The following FTCDNL1 variants were observed in gnomAD, a reference collection of about 807,000 sequenced individuals.
The protein encoded by FTCDNL1 is formiminotransferase N-terminal subdomain-containing protein.
A neutral mutation model predicts 5.9 loss-of-function variants in FTCDNL1; 11 were observed. That is an observed-to-expected ratio of 1.87 (90% CI 1.18 to 3.10). The LOEUF (loss-of-function observed/expected upper bound fraction) is 3.10, where lower values mean the gene tolerates loss of function less well. Ranked by LOEUF, FTCDNL1 falls within the 30% of genes most tolerant of loss-of-function variation. The pLI is 0.00. For missense variants in FTCDNL1, 115 were observed against 65.5 expected, an observed-to-expected ratio of 1.76 and a Z score of -2.61; for synonymous variants, 58 against 24.8, an observed-to-expected ratio of 2.34 and a Z score of -3.99.
intron 1 of FTCDNL1, 41 bp downstream of exon 1, chr2:199,850,699 C>T (rs2076853907): frequency 6.6e-6 from 1 of 152,320 alleles, no homozygotes; most frequent in Admixed American, 6.5e-5. Flanking sequence ...TCCCCACCCG[C>T]GGAGAACCTA....
intron 3 of FTCDNL1, among the ~76,000 whole-genome samples, chr2:199,763,396 A>G (rs1698362609): frequency 6.6e-6 from 1 of 152,160 alleles, no homozygotes; most frequent in Admixed American, 6.5e-5. Flanking sequence ...ATAGTATTAC[A>G]AGGGTGGGAG....
the FTCDNL1 span, among the ~76,000 whole-genome samples, chr2:199,717,509 A>ATTTTTTTTTTTTT: frequency 1.8e-3 from 104 of 57,696 alleles, 8 homozygotes; most frequent in African/African-American, 5.0e-3. Context: ...CAAGGCAGAG[A>ATTTTTTTTTTTTT]TTTTTTTTTT....
intron 3 of FTCDNL1, 134 bp downstream of exon 3, chr2:199,845,941 A>T (rs1475136902): frequency 2.3e-6 from 1 of 435,412 alleles, no homozygotes; most frequent in Non-Finnish European, 4.1e-6. Context: ...GATTAAGTGT[A>T]GCTTTGTGGT....
chr2:199,844,227 G>A (rs989907880), intron 3 of FTCDNL1, among the ~76,000 whole-genome samples: 2 of 151,910 alleles, frequency 1.3e-5, no homozygotes, highest in Non-Finnish European at 2.9e-5. Flanking sequence ...GAAGTGGAGG[G>A]GTGTGTCACA....
At chr2:199,781,344 T>G (rs1285199314) in intron 3 of FTCDNL1, among the ~76,000 whole-genome samples, 1 of 152,208 alleles carries the variant, frequency 6.6e-6, no homozygotes, top group Non-Finnish European at 1.5e-5. Context: ...AGGAGGTATA[T>G]GATGTAATAA....
At chr2:199,818,892 G>C (rs1701511437) in intron 4 of FTCDNL1, 1 of 152,176 alleles carries the variant, frequency 6.6e-6, no homozygotes, top group Non-Finnish European at 1.5e-5. Flanking sequence ...TCAAATAAGT[G>C]ACACTAGGAT....
At chr2:199,696,478 G>T in the FTCDNL1 span, among the ~76,000 whole-genome samples, 4 of 152,276 alleles carry the variant, frequency 2.6e-5, no homozygotes, top group East Asian at 7.7e-4. Flanking sequence ...GGCCAGAGAA[G>T]AATGCCATGA....
intron 3 of FTCDNL1, among the ~76,000 whole-genome samples, chr2:199,833,851 T>G (rs1702535722): frequency 6.6e-6 from 1 of 152,160 alleles, no homozygotes; most frequent in Non-Finnish European, 1.5e-5. Flanking sequence ...TATCCCCACC[T>G]TTCAGATAAC....
At chr2:199,733,689 G>A in the FTCDNL1 span, among the ~76,000 whole-genome samples, 601 of 152,256 alleles carry the variant, frequency 3.9e-3, 4 homozygotes, top group African/African-American at 0.014. Flanking sequence ...TTCCTGCTCC[G>A]TATGCAGAAG....
At chr2:199,832,409 A>T (rs1160539273) in intron 3 of FTCDNL1, among the ~76,000 whole-genome samples, 1 of 152,172 alleles carries the variant, frequency 6.6e-6, no homozygotes, top group Non-Finnish European at 1.5e-5. Flanking sequence ...TAGGAAATGG[A>T]AACATAACAG....
chr2:199,775,978 A>G (rs941282830), intron 3 of FTCDNL1, among the ~76,000 whole-genome samples: 3 of 144,460 alleles, frequency 2.1e-5, no homozygotes, highest in Admixed American at 1.4e-4. Flanking sequence ...CAGTGGCGCG[A>G]TATCAGCTCA....
At chr2:199,729,288 A>G in the FTCDNL1 span, among the ~76,000 whole-genome samples, 1 of 152,158 alleles carries the variant, frequency 6.6e-6, no homozygotes, top group Admixed American at 6.6e-5. Flanking sequence ...TAAATGGCAA[A>G]CTTCCAATAA....
At chr2:199,819,526 T>TA (rs761406357) in intron 4 of FTCDNL1, 46 bp downstream of exon 4, 101,711 of 610,910 alleles carry the variant, frequency 0.17, 853 homozygotes, top group Middle Eastern at 0.21. Flanking sequence ...ACCTCAAGTT[T>TA]AAAAAAAAAA....
At chr2:199,683,245 G>T in the FTCDNL1 span, among the ~76,000 whole-genome samples, 7 of 152,182 alleles carry the variant, frequency 4.6e-5, no homozygotes, top group South Asian at 8.3e-4. Context: ...TATATAAATT[G>T]GGATTAATAT....
At chr2:199,682,986 A>T in the FTCDNL1 span, among the ~76,000 whole-genome samples, 2 of 152,314 alleles carry the variant, frequency 1.3e-5, no homozygotes, top group African/African-American at 4.8e-5. Context: ...TTACTCAATG[A>T]ATGTCATCAT....
chr2:199,716,017 C>A, the FTCDNL1 span, among the ~76,000 whole-genome samples: 1 of 123,082 alleles, frequency 8.1e-6, no homozygotes, highest in Admixed American at 1.0e-4. Context: ...GGATCCTGAA[C>A]TCTACTGCCT....
intron 3 of FTCDNL1, among the ~76,000 whole-genome samples, chr2:199,772,934 G>A (rs1382402648): frequency 1.3e-5 from 2 of 152,164 alleles, no homozygotes; most frequent in Non-Finnish European, 2.9e-5. Context: ...CTACTCTGGC[G>A]CAGTAATTGC....
At chr2:199,713,899 T>C in the FTCDNL1 span, among the ~76,000 whole-genome samples, 5 of 152,278 alleles carry the variant, frequency 3.3e-5, no homozygotes, top group South Asian at 8.3e-4. Flanking sequence ...GACATCGAAG[T>C]CTCACTTATT....
intron 3 of FTCDNL1, among the ~76,000 whole-genome samples, chr2:199,768,375 G>T (rs1248457595): frequency 6.6e-6 from 1 of 152,070 alleles, no homozygotes; most frequent in Non-Finnish European, 1.5e-5. Flanking sequence ...AAGGAGTAAA[G>T]AAGTCTTCTA....
Sources: allele counts gnomAD v4.1 joint callset (sites outside exome capture counted in the v4.1 genomes callset), GRCh38; gene constraint gnomAD v4.1.1; transcripts MANE v1.5; gene names NCBI Gene and HGNC (gene_info 2026-07-23, HGNC 2026-07-21).